FAM163A: variants seen among roughly 807,000 people sequenced by gnomAD.
FAM163A encodes family with sequence similarity 163 member A.
FAM163A carries 7 observed loss-of-function variants against 12.0 expected under a neutral mutation model. The ratio of observed to expected loss-of-function variants is 0.58; its 90% CI spans 0.33 to 1.10. The LOEUF (loss-of-function observed/expected upper bound fraction) is 1.10, where lower values mean the gene tolerates loss of function less well. Ranked by LOEUF, FAM163A falls within the 50% of genes least tolerant of loss-of-function variation. The pLI is 0.03. For synonymous variants in FAM163A, 101 were observed against 91.0 expected (o/e 1.11, Z -0.62); for missense variants, 202 against 218.6 (o/e 0.92, Z 0.48).
At chr1:179,730,647 G>T in the FAM163A span, among the ~76,000 whole-genome samples, 1 of 152,138 alleles carries the variant, frequency 6.6e-6, no homozygotes, top group Non-Finnish European at 1.5e-5. Context: ...TATTGTGCTG[G>T]ATCTAAAACC....
intron 1 of FAM163A, among the ~76,000 whole-genome samples, chr1:179,782,089 C>T (rs574094700): frequency 2.2e-4 from 34 of 152,184 alleles, no homozygotes; most frequent in Non-Finnish European, 4.4e-4. Flanking sequence ...ACCAGGCTGA[C>T]TCCTTTGCAG....
In FAM163A at chr1:179,770,269, A is replaced by G. The variant is rs115909867; in HGVS notation, c.-136+26846A>G. 4.4e-3 allele frequency among the ~76,000 whole-genome samples: 663 copies of G among 152,006 alleles called. 6 individuals are homozygous for G. Among genetic ancestry groups the G allele is most frequent in the African/African-American group, 0.015 (625 of 41,406 alleles). On this transcript the variant is annotated intron_variant, in intron 1 of 4. Transcript: ENST00000341785. ...AATGCTGTGATTGAATTTGCCTCCT[A>G]AATACCTCATATTTGCTCATTCATG...
At chr1:179,749,810 G>C (rs1228173121) in intron 1 of FAM163A, among the ~76,000 whole-genome samples, 1 of 152,208 alleles carries the variant, frequency 6.6e-6, no homozygotes, top group Non-Finnish European at 1.5e-5. Context: ...AGTGAGCCGA[G>C]ATCATGCCAC....
At chr1:179,731,947 A>C in the FAM163A span, among the ~76,000 whole-genome samples, 1 of 152,234 alleles carries the variant, frequency 6.6e-6, no homozygotes, top group Non-Finnish European at 1.5e-5. Flanking sequence ...TGAGTCAGCC[A>C]GCTATATACT....
chr1:179,735,318 A>G, the FAM163A span, among the ~76,000 whole-genome samples: 1 of 152,166 alleles, frequency 6.6e-6, no homozygotes, highest in African/African-American at 2.4e-5. Context: ...AGAAGTTACT[A>G]GTTTTAAGCC....
chr1:179,773,961 T>C (rs1387581613), intron 1 of FAM163A, among the ~76,000 whole-genome samples: 1 of 152,212 alleles, frequency 6.6e-6, no homozygotes, highest in African/African-American at 2.4e-5. Flanking sequence ...AGAGGGACTT[T>C]TGAGACCTGC....
chr1:179,813,251 A>G lies in FAM163A; in HGVS notation c.93+61A>G, dbSNP rs1694951532. Reference sequence around the variant, plus strand: ...GCCACCAGCAAACCTCTTTTTCATTATGGGGGCAGAAACTGGAGGCCGACT... The same window carrying G: ...GCCACCAGCAAACCTCTTTTTCATTGTGGGGGCAGAAACTGGAGGCCGACT... On this transcript the variant is annotated intron_variant, in intron 4 of 4. Coordinates refer to ENST00000341785, the MANE Select transcript of FAM163A (RefSeq NM_173509.3). 25 of 1,473,178 alleles carry G rather than the reference A, an allele frequency of 1.7e-5. 1 individual carries two copies. In the South Asian group the frequency reaches 2.1e-4, roughly 12 times the overall value. The allele number at this position is 1,473,178 out of a possible 1,614,324, so 91.3% of individuals were successfully genotyped here. A position where few individuals can be genotyped will look rare whatever the true frequency, so the allele number is the denominator to read the frequency against.
chr1:179,790,532 C>T (rs963192771), intron 1 of FAM163A, among the ~76,000 whole-genome samples: 1 of 152,222 alleles, frequency 6.6e-6, no homozygotes, highest in Non-Finnish European at 1.5e-5. Flanking sequence ...GCTGGATAAA[C>T]GACGAGTTGG....
intron 1 of FAM163A, among the ~76,000 whole-genome samples, chr1:179,771,244 TC>T (rs1344851420): frequency 1.3e-5 from 2 of 151,734 alleles, no homozygotes; most frequent in East Asian, 3.9e-4. Context: ...GAGTGCCGGC[TC>T]CCCCTGTGCA....
At chr1:179,759,128 G>T (rs934602291) in intron 1 of FAM163A, among the ~76,000 whole-genome samples, 2 of 152,142 alleles carry the variant, frequency 1.3e-5, no homozygotes, top group African/African-American at 4.8e-5. Context: ...GACATTTTGG[G>T]CCAACAATTC....
upstream of FAM163A, among the ~76,000 whole-genome samples, chr1:179,738,417 CA>C (rs1357890666): frequency 6.6e-6 from 1 of 151,902 alleles, no homozygotes; most frequent in Non-Finnish European, 1.5e-5. Flanking sequence ...AAAAATATCA[CA>C]AAAATATGTA....
intron 1 of FAM163A, among the ~76,000 whole-genome samples, chr1:179,762,217 T>C (rs1315285627): frequency 1.3e-5 from 2 of 152,258 alleles, no homozygotes; most frequent in Non-Finnish European, 2.9e-5. Flanking sequence ...ACCTATCTCA[T>C]AGATAGCTGC....
the FAM163A span, chr1:179,730,293 G>A: frequency 1.3e-5 from 2 of 152,216 alleles, no homozygotes; most frequent in African/African-American, 4.8e-5. Flanking sequence ...TGGGAACGTA[G>A]GACGGTGCAG....
intron 1 of FAM163A, among the ~76,000 whole-genome samples, chr1:179,791,708 T>A (rs1055468575): frequency 3.3e-5 from 5 of 152,252 alleles, no homozygotes; most frequent in Non-Finnish European, 7.3e-5. Context: ...ACATATCATC[T>A]GTGGCCTCCA....
At chr1:179,776,346 C>T (rs1295105962) in intron 1 of FAM163A, among the ~76,000 whole-genome samples, 1 of 152,040 alleles carries the variant, frequency 6.6e-6, no homozygotes, top group South Asian at 2.1e-4. Context: ...CAAAAATTAG[C>T]TGGGCATGGT....
chr1:179,799,098 T>C (rs1692792404), intron 1 of FAM163A, among the ~76,000 whole-genome samples: 2 of 151,250 alleles, frequency 1.3e-5, no homozygotes, highest in South Asian at 2.1e-4. Context: ...TCTTCCAGTC[T>C]GCTGGAAGAA....
chr1:179,791,393 C>A (rs962126156), intron 1 of FAM163A, among the ~76,000 whole-genome samples: 1 of 152,228 alleles, frequency 6.6e-6, no homozygotes, highest in East Asian at 1.9e-4. Flanking sequence ...CCTCTTCCCC[C>A]TGCTCTCTCC....
intron 1 of FAM163A, among the ~76,000 whole-genome samples, chr1:179,794,490 T>A (rs1359529030): frequency 6.6e-6 from 1 of 152,164 alleles, no homozygotes; most frequent in East Asian, 1.9e-4. Context: ...TAAACTAGCA[T>A]CCTGGCATCT....
the FAM163A span, among the ~76,000 whole-genome samples, chr1:179,727,853 G>A: frequency 6.6e-6 from 1 of 152,198 alleles, no homozygotes; most frequent in Non-Finnish European, 1.5e-5. Flanking sequence ...ACAGTGAGTG[G>A]TGTCAAACAC....
Sources: allele counts gnomAD v4.1 joint callset (sites outside exome capture counted in the v4.1 genomes callset), GRCh38; gene constraint gnomAD v4.1.1; transcripts MANE v1.5; gene names NCBI Gene and HGNC (gene_info 2026-07-23, HGNC 2026-07-21).